The following PGCKA1 variants were observed in gnomAD, a reference collection of about 807,000 sequenced individuals.
PGCKA1 encodes PDCD10 and GCKIII kinases associated 1.
At chr4:37,527,172 C>T in the PGCKA1 span, among the ~76,000 whole-genome samples, 1 of 152,048 alleles carries the variant, frequency 6.6e-6, no homozygotes, top group South Asian at 2.1e-4. Context: ...TATACAGCCA[C>T]ACAATGTATT....
chr4:37,553,839 T>C, the PGCKA1 span, among the ~76,000 whole-genome samples: 1 of 152,224 alleles, frequency 6.6e-6, no homozygotes, highest in South Asian at 2.1e-4. Context: ...AGGGACACAA[T>C]GTGCAGATAA....
chr4:37,542,353 C>G, the PGCKA1 span, among the ~76,000 whole-genome samples: 1 of 152,206 alleles, frequency 6.6e-6, no homozygotes, highest in Non-Finnish European at 1.5e-5. Context: ...CCTCCTAGTT[C>G]AGGGGTGGCT....
the PGCKA1 span, among the ~76,000 whole-genome samples, chr4:37,519,731 A>G: frequency 1.3e-5 from 2 of 152,036 alleles, no homozygotes; most frequent in Non-Finnish European, 2.9e-5. Flanking sequence ...GACTTCTTAC[A>G]TTCCAATTTG....
chr4:37,478,097 G>C, the PGCKA1 span, among the ~76,000 whole-genome samples: 2 of 151,712 alleles, frequency 1.3e-5, no homozygotes. Context: ...GTATGGATTG[G>C]AGAATGCCCA....
At chr4:37,554,158 T>C in the PGCKA1 span, among the ~76,000 whole-genome samples, 110,898 of 152,052 alleles carry the variant, frequency 0.73, 40,986 homozygotes, top group African/African-American at 0.83. Flanking sequence ...ACACGCTGCC[T>C]TGCCTCCTGA....
the PGCKA1 span, among the ~76,000 whole-genome samples, chr4:37,556,904 A>C: frequency 2.0e-5 from 3 of 152,258 alleles, no homozygotes; most frequent in Non-Finnish European, 4.4e-5. Context: ...ATGTTTGAGC[A>C]GTGTATCAGA....
At chr4:37,532,745 T>C in the PGCKA1 span, among the ~76,000 whole-genome samples, 1 of 152,234 alleles carries the variant, frequency 6.6e-6, no homozygotes, top group Non-Finnish European at 1.5e-5. Context: ...AATCCTGTTG[T>C]TTAAAAAGAG....
chr4:37,454,019 C>T, the PGCKA1 span: 4,168 of 160,810 alleles, frequency 0.026, 65 homozygotes, highest in Middle Eastern at 0.061. Context: ...CCGCCGCCGC[C>T]GCCGCCGCCG....
the PGCKA1 span, among the ~76,000 whole-genome samples, chr4:37,578,042 G>A: frequency 1.3e-5 from 2 of 152,158 alleles, no homozygotes; most frequent in Admixed American, 6.5e-5. Context: ...ATGAAATGTT[G>A]TGTAAATATC....
At chr4:37,459,634 G>A in the PGCKA1 span, among the ~76,000 whole-genome samples, 1 of 152,102 alleles carries the variant, frequency 6.6e-6, no homozygotes, top group Non-Finnish European at 1.5e-5. Context: ...TGTTGGAAAT[G>A]CAGAGTCCTG....
chr4:37,487,270 G>A, the PGCKA1 span, among the ~76,000 whole-genome samples: 1 of 152,150 alleles, frequency 6.6e-6, no homozygotes, highest in East Asian at 1.9e-4. Context: ...AAAGTTGAAA[G>A]AATTGTACAT....
chr4:37,507,956 T>G, the PGCKA1 span, among the ~76,000 whole-genome samples: 1 of 152,312 alleles, frequency 6.6e-6, no homozygotes, highest in South Asian at 2.1e-4. Context: ...GATATACTAT[T>G]CCAGCATAAA....
At chr4:37,578,600 G>A in the PGCKA1 span, among the ~76,000 whole-genome samples, 1 of 152,024 alleles carries the variant, frequency 6.6e-6, no homozygotes, top group African/African-American at 2.4e-5. Flanking sequence ...TTGTTTTCTG[G>A]TTGTTTTGTG....
chr4:37,458,553 G>A, the PGCKA1 span, among the ~76,000 whole-genome samples: 7 of 152,052 alleles, frequency 4.6e-5, no homozygotes, highest in East Asian at 5.8e-4. Flanking sequence ...GCGGACCATC[G>A]GCCATGTCAC....
the PGCKA1 span, among the ~76,000 whole-genome samples, chr4:37,529,477 A>G: frequency 2.0e-5 from 3 of 152,180 alleles, no homozygotes; most frequent in African/African-American, 7.2e-5. Flanking sequence ...GCAACTCAGT[A>G]TGTGATGAAA....
chr4:37,459,959 G>A, the PGCKA1 span, among the ~76,000 whole-genome samples: 3 of 151,992 alleles, frequency 2.0e-5, no homozygotes, highest in South Asian at 2.1e-4. Context: ...AGCCCTGCAT[G>A]CATTAGCTAT....
chr4:37,566,900 C>G, the PGCKA1 span, among the ~76,000 whole-genome samples: 1 of 152,000 alleles, frequency 6.6e-6, no homozygotes, highest in Admixed American at 6.6e-5. Flanking sequence ...TTTCTTGTAC[C>G]AAGTCCTTCT....
chr4:37,464,620 C>G, the PGCKA1 span, among the ~76,000 whole-genome samples: 1 of 152,198 alleles, frequency 6.6e-6, no homozygotes, highest in African/African-American at 2.4e-5. Context: ...ACTACACACA[C>G]CTTCTCCTGG....
At chr4:37,554,644 G>A in the PGCKA1 span, among the ~76,000 whole-genome samples, 26 of 152,222 alleles carry the variant, frequency 1.7e-4, no homozygotes, top group Middle Eastern at 3.4e-3. Flanking sequence ...CACCACACCC[G>A]GCCTAGAAAT....
Sources: gnomAD v4.1 joint callset for allele counts (sites outside exome capture counted in the v4.1 genomes callset) on GRCh38, gnomAD v4.1.1 for gene constraint, MANE v1.5 for transcripts, NCBI Gene and HGNC (gene_info 2026-07-23, HGNC 2026-07-21) for gene names.